Variants in JMJD1C observed in about 807,000 individuals in gnomAD.
JMJD1C encodes the protein jumonji domain-containing protein 1C.
JMJD1C carries 31 observed loss-of-function variants against 245.3 expected under a neutral mutation model. The ratio of observed to expected loss-of-function variants is 0.13; its 90% CI spans 0.09 to 0.17. The LOEUF is 0.17. JMJD1C is among the 10% of genes least tolerant of loss of function. JMJD1C has a pLI of 1.00. For missense variants in JMJD1C, 2,691 were observed against 3,000.2 expected, an observed-to-expected ratio of 0.90 and a Z score of 2.41; for synonymous variants, 1,057 against 1,017.4, an observed-to-expected ratio of 1.04 and a Z score of -0.74.
intron 1 of JMJD1C, among the ~76,000 whole-genome samples, chr10:63,514,686 G>C (rs552300555): frequency 3.9e-5 from 6 of 152,132 alleles, no homozygotes; most frequent in African/African-American, 1.4e-4. Context: ...GTCAGTACCT[G>C]GGTGACGGGA....
intron 1 of JMJD1C, among the ~76,000 whole-genome samples, chr10:63,477,949 G>C (rs1402627107): frequency 2.0e-5 from 3 of 152,032 alleles, no homozygotes; most frequent in Non-Finnish European, 4.4e-5. Context: ...AATAAGATAT[G>C]CAAGTGGCAA....
chr10:63,217,083 G>T, intron 5 of JMJD1C, 124 bp downstream of exon 5: 1 of 844,052 alleles, frequency 1.2e-6, no homozygotes, highest in Non-Finnish European at 1.8e-6. Context: ...AAACTTACTA[G>T]AATTACACGA....
At chr10:63,219,256 A>G (rs911897284) in intron 4 of JMJD1C, among the ~76,000 whole-genome samples, 1 of 152,214 alleles carries the variant, frequency 6.6e-6, no homozygotes, top group Non-Finnish European at 1.5e-5. Context: ...CGGTTGAGAT[A>G]GATATGGGAA....
At chr10:63,232,639 C>A (rs1017154496) in intron 3 of JMJD1C, among the ~76,000 whole-genome samples, 5 of 151,920 alleles carry the variant, frequency 3.3e-5, no homozygotes, top group African/African-American at 9.7e-5. Context: ...ATCCATTTGG[C>A]ATTGCTTGCA....
chr10:63,502,964 C>G (rs1018780830), intron 1 of JMJD1C, among the ~76,000 whole-genome samples: 4 of 152,120 alleles, frequency 2.6e-5, no homozygotes, highest in African/African-American at 9.7e-5. Context: ...CCCAATATGC[C>G]AAGTGCTTCA....
At chr10:63,256,327 TTATGGGACCTTA>T (rs1253192187) in intron 3 of JMJD1C, among the ~76,000 whole-genome samples, 1 of 152,152 alleles carries the variant, frequency 6.6e-6, no homozygotes, top group Non-Finnish European at 1.5e-5. Context: ...CTGGGGTAAT[TTATGGGACCTTA>T]ATAAGCATGT....
chr10:63,226,714 C>CAAAA (rs35375607), intron 3 of JMJD1C, among the ~76,000 whole-genome samples: 61 of 84,730 alleles, frequency 7.2e-4, no homozygotes, highest in South Asian at 2.1e-3. Flanking sequence ...AACCCTGTTT[C>CAAAA]AAAAAAAAAA....
chr10:63,336,429 G>C (rs1029786585), intron 2 of JMJD1C, among the ~76,000 whole-genome samples: 2 of 152,136 alleles, frequency 1.3e-5, no homozygotes, highest in Non-Finnish European at 2.9e-5. Context: ...CTGAACTCCA[G>C]CCTGGGCGAC....
intron 2 of JMJD1C, among the ~76,000 whole-genome samples, chr10:63,281,604 T>C (rs1158582243): frequency 2.7e-5 from 4 of 150,474 alleles, no homozygotes; most frequent in African/African-American, 9.8e-5. Context: ...CAGAGTAGCA[T>C]GGACAATAGG....
At chr10:63,323,245 G>A (rs1219577172) in intron 2 of JMJD1C, among the ~76,000 whole-genome samples, 4 of 152,080 alleles carry the variant, frequency 2.6e-5, no homozygotes, top group South Asian at 2.1e-4. Context: ...CAGTGGTGCC[G>A]GGTACAGTGG....
chr10:63,168,010 G>C lies in JMJD1C; in HGVS notation c.*35C>G. On this transcript the variant is annotated 3_prime_UTR_variant, in exon 26 of 26. Transcript: ENST00000399262. ...CATCATTCAAGGTTAAGTAATCCCA[G>C]TTCAACAACCTAAAAATATCAAACT... is the stretch of plus-strand genomic sequence containing the variant. 8.0e-7 allele frequency: 1 copy of C among 1,254,298 alleles called. No homozygotes were observed. The highest frequency in any genetic ancestry group is 1.2e-6 in the Non-Finnish European group (1 of 853,388). 77.7% of individuals were successfully genotyped at this position (1,254,298 alleles called of 1,614,324 possible).
intron 1 of JMJD1C, among the ~76,000 whole-genome samples, chr10:63,478,332 C>G (rs1953724984): frequency 2.0e-5 from 3 of 152,176 alleles, no homozygotes; most frequent in Admixed American, 2.0e-4. Flanking sequence ...CCTCTACACC[C>G]AAATGTACAT....
At chr10:63,328,986 A>T (rs1393527276) in intron 2 of JMJD1C, among the ~76,000 whole-genome samples, 3 of 152,190 alleles carry the variant, frequency 2.0e-5, no homozygotes, top group Non-Finnish European at 4.4e-5. Context: ...CTTCACTATT[A>T]ACAGTAAAAA....
intron 2 of JMJD1C, among the ~76,000 whole-genome samples, chr10:63,348,460 T>TA (rs1165838881): frequency 6.6e-6 from 1 of 152,182 alleles, no homozygotes; most frequent in African/African-American, 2.4e-5. Context: ...TTTACTTGGT[T>TA]AAATATAATG....
Position 63,465,834 on chromosome 10 carries a change from G to C in JMJD1C, c.-172C>G, listed in dbSNP as rs926729998. The C allele has an allele frequency of 1.1e-5, 8 of 752,106 alleles. No homozygotes were observed. The East Asian group carries it at 1.1e-4, about 10-fold the overall frequency. The allele number at this position is 752,106 out of a possible 1,614,324, so 46.6% of individuals were successfully genotyped here. A position where few individuals can be genotyped will look rare whatever the true frequency, so the allele number is the denominator to read the frequency against. On this transcript the variant is annotated 5_prime_UTR_variant, in exon 1 of 26. Coordinates refer to ENST00000399262, the MANE Select transcript of JMJD1C (RefSeq NM_032776.3). ...TCTGCCCCGGACACAGCGACCTCGG[G>C]CCCTCCCCGCAAACACTCCTTTGGA...
At chr10:63,328,286 AAAAAG>A (rs948054905) in intron 2 of JMJD1C, among the ~76,000 whole-genome samples, 8 of 144,614 alleles carry the variant, frequency 5.5e-5, no homozygotes, top group African/African-American at 2.3e-4. Flanking sequence ...AAAGAAAAAA[AAAAAG>A]AAAGAAAAGA....
chr10:63,226,714 CAAAAAAAAA>C (rs35375607), intron 3 of JMJD1C, among the ~76,000 whole-genome samples: 36 of 84,936 alleles, frequency 4.2e-4, no homozygotes, highest in African/African-American at 1.5e-3. Flanking sequence ...AACCCTGTTT[CAAAAAAAAA>C]AAAAAAAAAA....
intron 1 of JMJD1C, among the ~76,000 whole-genome samples, chr10:63,404,293 G>A (rs569927867): frequency 4.6e-5 from 7 of 152,078 alleles, no homozygotes; most frequent in Non-Finnish European, 1.0e-4. Flanking sequence ...CAGATAAATT[G>A]GCCAGTCTCA....
intron 2 of JMJD1C, among the ~76,000 whole-genome samples, chr10:63,307,991 A>G (rs1938522470): frequency 6.6e-6 from 1 of 152,022 alleles, no homozygotes; most frequent in South Asian, 2.1e-4. Flanking sequence ...CACTAATAAA[A>G]ATACAAAAAA....
Sources: gnomAD v4.1 joint callset for allele counts (sites outside exome capture counted in the v4.1 genomes callset) on GRCh38, gnomAD v4.1.1 for gene constraint, MANE v1.5 for transcripts, NCBI Gene and HGNC (gene_info 2026-07-23, HGNC 2026-07-21) for gene names.